Variants in KDM2B observed in about 807,000 individuals in gnomAD.
KDM2B encodes the protein lysine demethylase 2B.
A neutral mutation model predicts 150.0 loss-of-function variants in KDM2B; 26 were observed. That is an observed-to-expected ratio of 0.17 (90% CI 0.13 to 0.24). KDM2B has a LOEUF of 0.24. Among genes scored for constraint, KDM2B ranks in the 10% least tolerant of loss-of-function variants. KDM2B has a pLI of 1.00. For synonymous variants in KDM2B, 734 were observed against 729.5 expected (o/e 1.01, Z -0.10); for missense variants, 1,265 against 1,816.9 (o/e 0.70, Z 5.52).
At chr12:121,516,026 C>A (rs1182348935) in intron 9 of KDM2B, among the ~76,000 whole-genome samples, 3 of 152,112 alleles carry the variant, frequency 2.0e-5, no homozygotes, top group Admixed American at 2.0e-4. Context: ...ATGAAGCAAA[C>A]CTTGATTTCC....
At chr12:121,497,218 A>G (rs1463702410) in intron 11 of KDM2B, among the ~76,000 whole-genome samples, 1 of 152,186 alleles carries the variant, frequency 6.6e-6, no homozygotes, top group Non-Finnish European at 1.5e-5. Flanking sequence ...TGCTATTTAT[A>G]AAGTGTCTTT....
At chr12:121,500,656 G>A (rs1555301800) in intron 11 of KDM2B, among the ~76,000 whole-genome samples, 1 of 152,192 alleles carries the variant, frequency 6.6e-6, no homozygotes, top group Admixed American at 6.5e-5. Flanking sequence ...CTCCTGCTCT[G>A]GGGAACCAGC....
chr12:121,506,343 G>A (rs978340106), intron 11 of KDM2B, among the ~76,000 whole-genome samples: 1 of 152,070 alleles, frequency 6.6e-6, no homozygotes, highest in African/African-American at 2.4e-5. Context: ...GCTAATGCCT[G>A]TCAGACTAAT....
At chr12:121,553,295 A>C (rs1177983808) in intron 4 of KDM2B, among the ~76,000 whole-genome samples, 1 of 151,374 alleles carries the variant, frequency 6.6e-6, no homozygotes, top group African/African-American at 2.4e-5. Flanking sequence ...CCAGCCTCCC[A>C]CCTCCACCCA....
the KDM2B span, among the ~76,000 whole-genome samples, chr12:121,413,494 C>T: frequency 3.5e-4 from 52 of 146,954 alleles, no homozygotes; most frequent in South Asian, 8.7e-4. Context: ...TCACTGCACC[C>T]TCCGCCTCCT....
chr12:121,579,442 G>A (rs1555317484), intron 1 of KDM2B, among the ~76,000 whole-genome samples: 1 of 152,136 alleles, frequency 6.6e-6, no homozygotes, highest in African/African-American at 2.4e-5. Context: ...AGCCGCCCCC[G>A]AGCTACCGGG....
At chr12:121,541,050 T>G (rs142579966) in intron 6 of KDM2B, among the ~76,000 whole-genome samples, 1 of 151,908 alleles carries the variant, frequency 6.6e-6, no homozygotes, top group African/African-American at 2.4e-5. Flanking sequence ...CTGACCAACA[T>G]GGAGAAACCC....
At chr12:121,539,584 G>A (rs1555309393) in intron 6 of KDM2B, among the ~76,000 whole-genome samples, 1 of 152,008 alleles carries the variant, frequency 6.6e-6, no homozygotes, top group Non-Finnish European at 1.5e-5. Flanking sequence ...CTGGAACTCA[G>A]AGTCCCACTA....
intron 8 of KDM2B, among the ~76,000 whole-genome samples, chr12:121,532,507 C>CCCCCATTA (rs1213773160): frequency 6.6e-6 from 1 of 152,244 alleles, no homozygotes; most frequent in Non-Finnish European, 1.5e-5. Flanking sequence ...GGCAAACCCA[C>CCCCCATTA]CCCCATTACC....
At chr12:121,568,500 A>C (rs890414305) in intron 4 of KDM2B, among the ~76,000 whole-genome samples, 6 of 152,076 alleles carry the variant, frequency 3.9e-5, no homozygotes, top group African/African-American at 1.4e-4. Context: ...CATACACACA[A>C]AAAAAGAAAA....
chr12:121,559,344 AG>A lies in KDM2B; in HGVS notation c.398-9707del, dbSNP rs1483503975. 3.5e-5 allele frequency among the ~76,000 whole-genome samples: 4 copies of A among 113,984 alleles called. No individual in the cohort carries two copies. The East Asian group carries it at 8.4e-4, about 24-fold the overall frequency. 74.8% of individuals were successfully genotyped at this position (113,984 alleles called of 152,430 possible). ...GAAGCTGGACTTCCAGGTCTATGGG[AG>A]GGGTGGGAGGGGAAGTGGTGGGAGG... On this transcript the variant is annotated intron_variant, in intron 4 of 22. Coordinates refer to ENST00000377071, the MANE Select transcript of KDM2B (RefSeq NM_032590.5).
In KDM2B at chr12:121,467,180, T is replaced by C; in HGVS notation, c.1735-13836A>G. 1 of 1,117,882 alleles carries C rather than the reference T, an allele frequency of 8.9e-7. No individual in the cohort carries two copies. Among genetic ancestry groups the C allele is most frequent in the Non-Finnish European group, 1.1e-6 (1 of 897,004 alleles). 69.2% of individuals were successfully genotyped at this position (1,117,882 alleles called of 1,614,324 possible). A position where few individuals can be genotyped will look rare whatever the true frequency, so the allele number is the denominator to read the frequency against. On this transcript the variant is annotated intron_variant, in intron 12 of 22. Transcript: ENST00000377071. The surrounding 1 kb of genome is among the most constrained non-coding windows in gnomAD (Gnocchi z 5.1). ...GACCTGGTCCGGCTCCGATTCATAG[T>C]CGTCGTCCTCGGCGCTCACGGACAT...
rs782071352 is a variant in KDM2B at position 121,513,971 on chromosome 12, G to A, written c.1048-569C>T. ...TGTGGCCTCGCCTACCTCCAGGGGTGGGGCCTTGAAGGGGTCCATCTCCTG... is the reference window on the plus strand; with the variant it reads ...TGTGGCCTCGCCTACCTCCAGGGGTAGGGCCTTGAAGGGGTCCATCTCCTG... On this transcript the variant is annotated intron_variant, in intron 9 of 22. Coordinates refer to ENST00000377071, the MANE Select transcript of KDM2B (RefSeq NM_032590.5). The surrounding 1 kb of genome is among the most constrained non-coding windows in gnomAD (Gnocchi z 5.0). Among the ~76,000 whole-genome samples, 5 of 152,112 alleles carry A rather than the reference G, an allele frequency of 3.3e-5. No homozygotes were observed. Among genetic ancestry groups the A allele is most frequent in the Non-Finnish European group, 5.9e-5 (4 of 68,026 alleles).
intron 2 of KDM2B, among the ~76,000 whole-genome samples, chr12:121,577,427 AATCAGCTGGGACTAGC>A (rs1418586051): frequency 6.6e-6 from 1 of 152,234 alleles, no homozygotes; most frequent in African/African-American, 2.4e-5. Context: ...AGAAAATTTA[AATCAGCTGGGACTAGC>A]ACCCTGCTCT....
intron 9 of KDM2B, among the ~76,000 whole-genome samples, chr12:121,515,598 C>G (rs1886104149): frequency 6.8e-6 from 1 of 146,966 alleles, no homozygotes; most frequent in Admixed American, 6.8e-5. Flanking sequence ...CCATCTGGGA[C>G]AAAGACAACT....
intron 12 of KDM2B, among the ~76,000 whole-genome samples, chr12:121,463,193 T>C (rs1879350406): frequency 6.6e-6 from 1 of 151,906 alleles, no homozygotes; most frequent in African/African-American, 2.4e-5. Context: ...CGCACACCTG[T>C]AGTCCTAGCC....
At position 121,567,890 on chromosome 12, in the gene KDM2B, G is replaced by A. The variant is rs534842762; in HGVS notation, c.397+6657C>T. On this transcript the variant is annotated intron_variant, in intron 4 of 22. Transcript: ENST00000377071. ...ATTACAGCTGTGCACCACCAAGCCC[G>A]GCTAATTTTTGTATTTTTAGTAGAC... Among the ~76,000 whole-genome samples, 12 of 151,610 alleles carry A rather than the reference G, an allele frequency of 7.9e-5. No homozygotes were observed. The East Asian group carries it at 1.8e-3, about 22-fold the overall frequency.
chr12:121,494,250 A>G (rs1461051699), intron 12 of KDM2B: 1 of 281,126 alleles, frequency 3.6e-6, no homozygotes, highest in Admixed American at 5.1e-5. Context: ...AAGCAATTAA[A>G]GGAAAAGGGA....
Position 121,486,048 on chromosome 12 carries a change from A to T in KDM2B, c.1734+8531T>A, listed in dbSNP as rs945131674. ...CACCTCAGCCTCCCAAAGTGCTGGA[A>T]TTACAGGCGTGAGCCACCATGCCCT... On this transcript the variant is annotated intron_variant, in intron 12 of 22. Transcript: ENST00000377071. 1.3e-4 allele frequency among the ~76,000 whole-genome samples: 20 copies of T among 151,888 alleles called. 1 individual carries two copies. The highest frequency in any genetic ancestry group is 1.1e-3 in the Admixed American group (17 of 15,216).
Sources: allele counts gnomAD v4.1 joint callset (sites outside exome capture counted in the v4.1 genomes callset), GRCh38; gene constraint gnomAD v4.1.1; non-coding constraint Gnocchi (gnomAD v3.1); transcripts MANE v1.5; gene names NCBI Gene and HGNC (gene_info 2026-07-23, HGNC 2026-07-21).